Variants in YAE1 observed in about 807,000 individuals in gnomAD.
YAE1 encodes YAE1 maturation factor of ABCE1, also known as protein YAE1 homolog.
A neutral mutation model predicts 23.0 loss-of-function variants in YAE1; 22 were observed. The ratio of observed to expected loss-of-function variants is 0.96; its 90% CI spans 0.68 to 1.37. The LOEUF is 1.37. Ranked by LOEUF, YAE1 falls within the 40% of genes most tolerant of loss-of-function variation. The probability of loss-of-function intolerance (pLI) is 0.00; values close to 1 mark genes in which losing one functional copy is unlikely to be tolerated. For synonymous variants in YAE1, 101 were observed against 97.0 expected (o/e 1.04, Z -0.24); for missense variants, 260 against 262.1 (o/e 0.99, Z 0.06).
chr7:39,602,238 G>A (rs1423030657), intron 2 of YAE1, among the ~76,000 whole-genome samples: 1 of 152,200 alleles, frequency 6.6e-6, no homozygotes, highest in African/African-American at 2.4e-5. Context: ...TAATTCTATA[G>A]AGTCTATCAT....
At chr7:39,570,351 A>G in intron 1 of YAE1, 155 bp from the exon 2 acceptor site, 1 of 861,774 alleles carries the variant, frequency 1.2e-6, no homozygotes, top group Non-Finnish European at 1.8e-6. Flanking sequence ...TAGGAGAAGC[A>G]TAGTCTGCTT....
chr7:39,570,580 A>G lies in YAE1; in HGVS notation c.204A>G (p.Lys68=), dbSNP rs1232916844. The G allele has an allele frequency of 1.9e-6, 3 of 1,608,750 alleles. No homozygotes were observed. The highest frequency in any genetic ancestry group is 2.5e-6 in the Non-Finnish European group (3 of 1,179,056). The change falls in exon 2 of 3, where the codon AAA becomes AAG. Residue 68 remains lysine, a synonymous_variant. Coordinates refer to ENST00000223273, the MANE Select transcript of YAE1 (RefSeq NM_020192.5). ...LQQGFNQGYK[K]GAEVILNYGR... The stretch of plus-strand genomic sequence containing the variant: ...AGGGCTTCAATCAAGGTTATAAGAA[A>G]GGTGCAGAAGTCATTTTAAACTATG...
chr7:39,599,988 C>T (rs1791033018), intron 2 of YAE1, among the ~76,000 whole-genome samples: 1 of 152,106 alleles, frequency 6.6e-6, no homozygotes, highest in Non-Finnish European at 1.5e-5. Flanking sequence ...AGGTATTCTG[C>T]CATGTGGTCC....
At chr7:39,599,357 GT>G (rs944515675) in intron 2 of YAE1, among the ~76,000 whole-genome samples, 1 of 150,678 alleles carries the variant, frequency 6.6e-6, no homozygotes, top group African/African-American at 2.5e-5. Context: ...ATGTTGAAGT[GT>G]TTTTTTGTTT....
chr7:39,586,317 C>T (rs1174287828), intron 2 of YAE1, among the ~76,000 whole-genome samples: 1 of 150,874 alleles, frequency 6.6e-6, no homozygotes, highest in African/African-American at 2.4e-5. Flanking sequence ...GGACTACAGG[C>T]GCCTGCCACC....
At chr7:39,577,349 G>C (rs1245112075), downstream of YAE1, among the ~76,000 whole-genome samples, 2 of 152,242 alleles carry the variant, frequency 1.3e-5, no homozygotes, top group Non-Finnish European at 2.9e-5. Context: ...GGCTGCGCTT[G>C]AGGAGCCCTT....
At chr7:39,610,406 G>T, downstream of YAE1, 1 of 456,196 alleles carries the variant, frequency 2.2e-6, no homozygotes, top group Non-Finnish European at 4.4e-6. Flanking sequence ...CAACGTTTCT[G>T]CAGGTCCATT....
At chr7:39,601,721 T>C (rs1791057774) in intron 2 of YAE1, among the ~76,000 whole-genome samples, 1 of 145,392 alleles carries the variant, frequency 6.9e-6, no homozygotes, top group Admixed American at 7.1e-5. Flanking sequence ...ATGGAGCCAC[T>C]GCACTCCAGC....
At chr7:39,585,075 T>C (rs550984364) in intron 2 of YAE1, among the ~76,000 whole-genome samples, 5 of 152,318 alleles carry the variant, frequency 3.3e-5, no homozygotes, top group Admixed American at 3.3e-4. Context: ...CAATTTCTTA[T>C]GTGGAGATTC....
chr7:39,567,632 T>C (rs1254600757), intron 1 of YAE1, among the ~76,000 whole-genome samples: 1 of 152,230 alleles, frequency 6.6e-6, no homozygotes, highest in African/African-American at 2.4e-5. Flanking sequence ...TTTTTTAATC[T>C]TTTGAAGTGA....
At chr7:39,593,441 T>C (rs1790931922) in intron 2 of YAE1, among the ~76,000 whole-genome samples, 1 of 152,020 alleles carries the variant, frequency 6.6e-6, no homozygotes, top group African/African-American at 2.4e-5. Flanking sequence ...AGAGATGGAG[T>C]TTCACCATGT....
intron 2 of YAE1, among the ~76,000 whole-genome samples, chr7:39,588,020 G>C (rs765885249): frequency 8.6e-5 from 13 of 151,946 alleles, no homozygotes; most frequent in Non-Finnish European, 1.8e-4. Flanking sequence ...TCTGGTTTCC[G>C]GGACTTGTTA....
downstream of YAE1, among the ~76,000 whole-genome samples, chr7:39,575,565 AGAGAGAGAGAGAGT>A (rs1320499327): frequency 3.6e-5 from 4 of 110,672 alleles, no homozygotes; most frequent in African/African-American, 2.0e-4. Flanking sequence ...AGAGAGAGAG[AGAGAGAGAGAGAGT>A]GAGTGTGTGT....
At chr7:39,573,790 T>C (rs1362549773), downstream of YAE1, among the ~76,000 whole-genome samples, 2 of 152,112 alleles carry the variant, frequency 1.3e-5, no homozygotes, top group Non-Finnish European at 2.9e-5. Flanking sequence ...ATTAAGAAAT[T>C]GAAGCAACAG....
chr7:39,585,787 A>G (rs946387362), intron 2 of YAE1, among the ~76,000 whole-genome samples: 9 of 152,228 alleles, frequency 5.9e-5, no homozygotes, highest in Non-Finnish European at 1.2e-4. Context: ...AAATGTACAA[A>G]AACTGCTTGC....
At chr7:39,596,582 T>C (rs1583681734) in intron 2 of YAE1, among the ~76,000 whole-genome samples, 1 of 152,186 alleles carries the variant, frequency 6.6e-6, no homozygotes, top group Non-Finnish European at 1.5e-5. Context: ...GTAGCTTAAA[T>C]GTTTACTTCT....
At chr7:39,574,920 C>G (rs531293866), downstream of YAE1, among the ~76,000 whole-genome samples, 2 of 152,208 alleles carry the variant, frequency 1.3e-5, no homozygotes, top group East Asian at 1.9e-4. Flanking sequence ...ACATGAAATA[C>G]AGAAGTTCCT....
intron 2 of YAE1, among the ~76,000 whole-genome samples, chr7:39,586,521 G>A (rs1476371662): frequency 6.9e-6 from 1 of 145,082 alleles, no homozygotes; most frequent in Admixed American, 7.0e-5. Flanking sequence ...TTTTTTTTAA[G>A]AAGTCTTGCT....
At chr7:39,594,985 G>A (rs1790955055) in intron 2 of YAE1, among the ~76,000 whole-genome samples, 1 of 152,106 alleles carries the variant, frequency 6.6e-6, no homozygotes, top group Admixed American at 6.5e-5. Context: ...GATTGCTCCA[G>A]GTTATGATGT....
Sources: allele counts gnomAD v4.1 joint callset (sites outside exome capture counted in the v4.1 genomes callset), GRCh38; gene constraint gnomAD v4.1.1; transcripts MANE v1.5; gene names NCBI Gene and HGNC (gene_info 2026-07-23, HGNC 2026-07-21).